NISCH: variants seen among roughly 807,000 people sequenced by gnomAD.
The protein encoded by NISCH is nischarin, also known as I-1 receptor candidate protein.
Under a neutral mutation model 138.4 loss-of-function variants are expected in NISCH, and 55 were observed. The ratio of observed to expected loss-of-function variants is 0.40; its 90% CI spans 0.32 to 0.50. The LOEUF (loss-of-function observed/expected upper bound fraction) is 0.50. Among genes scored for constraint, NISCH ranks in the 20% least tolerant of loss-of-function variants. The probability of loss-of-function intolerance (pLI) is 0.71; values close to 1 mark genes in which losing one functional copy is unlikely to be tolerated. For synonymous variants in NISCH, 860 were observed against 861.5 expected, an observed-to-expected ratio of 1.00 and a Z score of 0.03; for missense variants, 1,643 against 2,005.5, an observed-to-expected ratio of 0.82 and a Z score of 3.45.
chr3:52,476,234 A>C (rs1242849795), intron 7 of NISCH: 1 of 574,638 alleles, frequency 1.7e-6, no homozygotes, highest in Non-Finnish European at 3.1e-6. Flanking sequence ...GCCAGGACTT[A>C]ATTCTAAGTG....
At chr3:52,460,335 C>T (rs1706598360) in intron 3 of NISCH, among the ~76,000 whole-genome samples, 1 of 151,956 alleles carries the variant, frequency 6.6e-6, no homozygotes, top group African/African-American at 2.4e-5. Context: ...ACCAGTCTTC[C>T]CAGCAGACAC....
chr3:52,475,261 G>C (rs4687617), intron 7 of NISCH, among the ~76,000 whole-genome samples: 2 of 152,010 alleles, frequency 1.3e-5, no homozygotes, highest in Admixed American at 1.3e-4. Flanking sequence ...AGTGTGTTGG[G>C]CCACCTGGTC....
rs745756945 is a variant in NISCH at position 52,487,892 on chromosome 3, G to A, written c.2400G>A (p.Leu800=). Residue 800 remains leucine (L), a synonymous_variant, in exon 16 of 21, where the codon CTG becomes CTA. Transcript: ENST00000345716. The surrounding 1 kb of genome is among the most constrained non-coding windows in gnomAD (Gnocchi z 9.1). The part of the protein sequence containing the change: ...TLFIISDAAN[L]HEFHADLRSC... ...TCATTATCTCGGACGCCGCCAACCT[G>A]CACGAGTTCCACGCGGACCTGCGCT... The A allele has an allele frequency of 1.9e-6, 3 of 1,611,856 alleles. No homozygotes were observed. Among genetic ancestry groups the A allele is most frequent in the Non-Finnish European group, 2.5e-6 (3 of 1,179,924 alleles).
In NISCH at chr3:52,487,703, A is replaced by T; in HGVS notation, c.2211A>T (p.Ala737=). The T allele has an allele frequency of 6.2e-7, 1 of 1,613,438 alleles. No homozygotes were observed. Among genetic ancestry groups the T allele is most frequent in the Non-Finnish European group, 8.5e-7 (1 of 1,179,952 alleles). The change falls in exon 16 of 21, where the codon GCA becomes GCT. Residue 737 remains alanine, a synonymous_variant. Coordinates refer to ENST00000345716, the MANE Select transcript of NISCH (RefSeq NM_007184.4). This position sits in a 1 kb window ranked among gnomAD's most constrained non-coding sequence, Gnocchi z 9.1. The part of the protein sequence containing the change: ...ACLVLTDFGI[A]VFEIPHQESR... ...TTGTGCTCACCGACTTCGGCATCGC[A>T]GTCTTCGAGATCCCGCACCAGGAGT...
chr3:52,470,088 TAA>T (rs79193522), intron 3 of NISCH, among the ~76,000 whole-genome samples: 89 of 129,714 alleles, frequency 6.9e-4, no homozygotes, highest in Admixed American at 9.3e-4. Context: ...TGTCTCTATT[TAA>T]AAAAAAAAAA....
chr3:52,468,430 G>C (rs1246306399), intron 3 of NISCH, among the ~76,000 whole-genome samples: 4 of 152,198 alleles, frequency 2.6e-5, no homozygotes, highest in African/African-American at 9.7e-5. Context: ...GGCTCCAGGC[G>C]ATCTGACAGC....
In NISCH at chr3:52,491,930, TGAG is replaced by T; in HGVS notation, c.3970_3972del (p.Glu1324del). 1 of 1,613,348 alleles carries T rather than the reference TGAG, an allele frequency of 6.2e-7. No homozygotes were observed. Among genetic ancestry groups the T allele is most frequent in the Middle Eastern group, 1.7e-4 (1 of 6,056 alleles). On this transcript the variant is annotated inframe_deletion, in exon 21 of 21. Transcript: ENST00000345716. Reference sequence around the variant, plus strand: ...GTCGCGTCAAGTTTACCTACCCCAGTGAGGAGGAGATTGGGGACCTGACGTTCA... The same window carrying T: ...GTCGCGTCAAGTTTACCTACCCCAGTGAGGAGATTGGGGACCTGACGTTCA...
intron 13 of NISCH, chr3:52,481,744 C>A (rs1357785651): frequency 1.1e-5 from 11 of 985,444 alleles, no homozygotes; most frequent in Non-Finnish European, 1.3e-5. Flanking sequence ...CAGGCAGCCC[C>A]CCACATTGTC....
intron 3 of NISCH, among the ~76,000 whole-genome samples, chr3:52,467,636 C>A (rs1706825607): frequency 6.6e-6 from 1 of 152,244 alleles, no homozygotes; most frequent in Non-Finnish European, 1.5e-5. Flanking sequence ...CCCTAAAGAG[C>A]AAAATTGTTA....
At position 52,490,149 on chromosome 3, in the gene NISCH, T is replaced by C. The variant is rs1381832364; in HGVS notation, c.3531T>C (p.Thr1177=). 1 of 1,613,608 alleles carries C rather than the reference T, an allele frequency of 6.2e-7. No individual in the cohort carries two copies. Among genetic ancestry groups the C allele is most frequent in the South Asian group, 1.1e-5 (1 of 91,086 alleles). Residue 1177 remains threonine, a synonymous_variant, in exon 18 of 21, where the codon ACT becomes ACC. Coordinates refer to ENST00000345716, the MANE Select transcript of NISCH (RefSeq NM_007184.4). Reference sequence around the variant, plus strand: ...ACCAGACCCCAGGGCTGGAGGTGACTGCCTGCGTGCTGCTCTCCACCAAGG... The same window carrying C: ...ACCAGACCCCAGGGCTGGAGGTGACCGCCTGCGTGCTGCTCTCCACCAAGG... The part of the protein sequence containing the change: ...VFYQTPGLEV[T]ACVLLSTKAV...
At chr3:52,458,964 A>G (rs909148676) in intron 3 of NISCH, 120 bp downstream of exon 3, 4 of 765,320 alleles carry the variant, frequency 5.2e-6, no homozygotes, top group Middle Eastern at 4.0e-4. Context: ...AGGTTAGAAG[A>G]TGGAGGAACG....
In NISCH at chr3:52,489,657, C is replaced by A. The variant is rs759591496; in HGVS notation, c.3435C>A (p.Leu1145=). 1 of 1,612,514 alleles carries A rather than the reference C, an allele frequency of 6.2e-7. No individual in the cohort carries two copies. The highest frequency in any genetic ancestry group is 8.5e-7 in the Non-Finnish European group (1 of 1,179,814). Residue 1145 remains leucine (L), a synonymous_variant, in exon 17 of 21, where the codon CTC becomes CTA. Coordinates refer to ENST00000345716, the MANE Select transcript of NISCH (RefSeq NM_007184.4). ...TGCGGGGCAGCGCCATCATCGAGCT[C>A]TTCCACAGCAGCATTGCTGAGGTAG... ...ASLRGSAIIE[L]FHSSIAEVEN... is the part of the protein sequence containing the mutation.
At chr3:52,469,952 TG>T (rs1706895370) in intron 3 of NISCH, among the ~76,000 whole-genome samples, 1 of 151,564 alleles carries the variant, frequency 6.6e-6, no homozygotes, top group African/African-American at 2.4e-5. Flanking sequence ...GTTGTGCTGA[TG>T]CACACCTATA....
At chr3:52,478,334 A>T (rs750021805) in intron 10 of NISCH, 52 bp downstream of exon 10, 3 of 1,606,884 alleles carry the variant, frequency 1.9e-6, no homozygotes, top group African/African-American at 1.3e-5. Context: ...GGTGTGTATC[A>T]TGTTAAAGAA....
rs780174698 is a variant in NISCH, at chr3:52,490,131, C to G, written c.3513C>G (p.Thr1171=). The stretch of plus-strand genomic sequence containing the variant: ...GGTCCTCGGTGGTGTTCTACCAGAC[C>G]CCAGGGCTGGAGGTGACTGCCTGCG... ...LMWSSVVFYQ[T]PGLEVTACVL... The change falls in exon 18 of 21, where the codon ACC becomes ACG. Residue 1171 remains threonine (T), a synonymous_variant. Coordinates refer to ENST00000345716, the MANE Select transcript of NISCH (RefSeq NM_007184.4). 6.2e-7 allele frequency: 1 copy of G among 1,613,374 alleles called. No homozygotes were observed. The highest frequency in any genetic ancestry group is 2.2e-5 in the East Asian group (1 of 44,882).
chr3:52,487,428 G>A lies in NISCH; in HGVS notation c.1936G>A (p.Glu646Lys). 1 of 1,611,706 alleles carries A rather than the reference G, an allele frequency of 6.2e-7. No homozygotes were observed. The change falls in exon 16 of 21, where the codon GAG (glutamate) becomes AAG (lysine). Residue 646 changes from glutamate (E) to lysine (K), a missense_variant. Coordinates refer to ENST00000345716, the MANE Select transcript of NISCH (RefSeq NM_007184.4). The surrounding 1 kb of genome is among the most constrained non-coding windows in gnomAD (Gnocchi z 9.1). ...GEEEDEEEEE[E>K]EDVAENRYFE... ...GGAGGAGGATGAGGAGGAGGAAGAA[G>A]AGGAGGACGTGGCTGAGAACCGCTA... is the stretch of plus-strand genomic sequence containing the variant.
In NISCH at chr3:52,487,968, G is replaced by A. The variant is rs761618364; in HGVS notation, c.2476G>A (p.Gly826Ser). ...MAMLCSPILY[G>S]SHTSLQEFLR... is the part of the protein sequence containing the mutation. ...CATGCTGTGTAGCCCCATCCTCTAC[G>A]GCAGCCACACCAGCCTGCAGGAGTT... The change falls in exon 16 of 21, where the codon GGC becomes AGC. Residue 826 changes from glycine to serine, a missense_variant. Transcript: ENST00000345716. The surrounding 1 kb of genome is among the most constrained non-coding windows in gnomAD (Gnocchi z 9.1). 6.8e-6 allele frequency: 11 copies of A among 1,610,900 alleles called. No individual in the cohort carries two copies. Among genetic ancestry groups the A allele is most frequent in the East Asian group, 6.7e-5 (3 of 44,858 alleles).
intron 3 of NISCH, among the ~76,000 whole-genome samples, chr3:52,466,022 CAG>C (rs775100967): frequency 8.5e-5 from 13 of 152,340 alleles, no homozygotes; most frequent in East Asian, 5.8e-4. Context: ...AATTTGGAAT[CAG>C]GGGCTATGTT....
chr3:52,484,462 T>TCCCCCCCCCCCCCCCCC, intron 13 of NISCH, 51 bp from the exon 14 acceptor site: 1 of 788,670 alleles, frequency 1.3e-6, no homozygotes. Flanking sequence ...ACAGCCGCTC[T>TCCCCCCCCCCCCCCCCC]CCCCGCCCCA....
Sources: allele counts gnomAD v4.1 joint callset (sites outside exome capture counted in the v4.1 genomes callset), GRCh38; gene constraint gnomAD v4.1.1; non-coding constraint Gnocchi (gnomAD v3.1); transcripts MANE v1.5; gene names NCBI Gene and HGNC (gene_info 2026-07-23, HGNC 2026-07-21).